The following GPC5 variants were observed in gnomAD, a reference collection of about 807,000 sequenced individuals.
The protein encoded by GPC5 is glypican-5.
Under a neutral mutation model 53.9 loss-of-function variants are expected in GPC5, and 47 were observed. That is an observed-to-expected ratio of 0.87 (90% CI 0.69 to 1.11). The LOEUF (loss-of-function observed/expected upper bound fraction) is 1.11, where lower values mean the gene tolerates loss of function less well. Ranked by LOEUF, GPC5 falls within the 50% of genes most tolerant of loss-of-function variation. GPC5 has a pLI of 0.00. For missense variants in GPC5, 748 were observed against 713.1 expected (o/e 1.05, Z -0.56); for synonymous variants, 286 against 263.3 (o/e 1.09, Z -0.84).
chr13:92,197,235 C>A (rs1407926327), intron 7 of GPC5, among the ~76,000 whole-genome samples: 2 of 151,998 alleles, frequency 1.3e-5, no homozygotes, highest in Admixed American at 6.6e-5. Context: ...AGATAAAAAC[C>A]CCCAGACCAT....
chr13:91,797,232 C>A (rs2138764305), intron 5 of GPC5, among the ~76,000 whole-genome samples: 1 of 152,210 alleles, frequency 6.6e-6, no homozygotes, highest in South Asian at 2.1e-4. Flanking sequence ...TCTGTGTACT[C>A]TCATTTTAAT....
chr13:91,697,650 A>G (rs140048945), intron 3 of GPC5, among the ~76,000 whole-genome samples: 2 of 152,234 alleles, frequency 1.3e-5, no homozygotes, highest in African/African-American at 4.8e-5. Context: ...ATATTAATAG[A>G]TTACCCTCTT....
intron 7 of GPC5, among the ~76,000 whole-genome samples, chr13:92,681,258 A>G (rs1263344643): frequency 6.6e-6 from 1 of 152,134 alleles, no homozygotes; most frequent in East Asian, 1.9e-4. Context: ...GGTATATCAC[A>G]AGCTCTCAAT....
chr13:92,792,730 C>A (rs775744644), intron 7 of GPC5, among the ~76,000 whole-genome samples: 24 of 152,056 alleles, frequency 1.6e-4, no homozygotes, highest in Non-Finnish European at 2.9e-4. Flanking sequence ...GCAGGGGTTG[C>A]AATCCTAGTC....
intron 7 of GPC5, among the ~76,000 whole-genome samples, chr13:92,678,869 A>C (rs1344286973): frequency 1.3e-5 from 2 of 152,160 alleles, no homozygotes; most frequent in Non-Finnish European, 2.9e-5. Flanking sequence ...TAGTGGAGAG[A>C]AGTGGTCATA....
rs147718511 is a variant in GPC5, at chr13:91,435,770, T to C, written c.164-12991T>C. Reference sequence around the variant, plus strand: ...TAGTTTCAGAAGGAATGGTACCAGCTCCTCCTTGTTCCTCTGATAGAATTT... The same window carrying C: ...TAGTTTCAGAAGGAATGGTACCAGCCCCTCCTTGTTCCTCTGATAGAATTT... On this transcript the variant is annotated intron_variant, in intron 1 of 7. Coordinates refer to ENST00000377067, the MANE Select transcript of GPC5 (RefSeq NM_004466.6). 8.7e-3 allele frequency among the ~76,000 whole-genome samples: 1,332 copies of C among 152,322 alleles called. 22 individuals carry two copies. The highest frequency in any genetic ancestry group is 0.079 in the South Asian group (383 of 4,820).
At chr13:92,046,848 T>A (rs1305268400) in intron 6 of GPC5, among the ~76,000 whole-genome samples, 1 of 152,244 alleles carries the variant, frequency 6.6e-6, no homozygotes, top group African/African-American at 2.4e-5. Flanking sequence ...GTCTTTATAA[T>A]GCATTCGTGT....
chr13:92,655,033 A>T (rs145261302), intron 7 of GPC5, among the ~76,000 whole-genome samples: 1 of 152,292 alleles, frequency 6.6e-6, no homozygotes, highest in East Asian at 1.9e-4. Context: ...GATTGCTGGC[A>T]ACCACCAAAA....
intron 7 of GPC5, among the ~76,000 whole-genome samples, chr13:92,663,856 C>CTATATATATATATATA (rs201565650): frequency 3.4e-5 from 3 of 88,338 alleles, no homozygotes; most frequent in African/African-American, 4.8e-5. Context: ...CACACACACA[C>CTATATATATATATATA]TATATATATA....
intron 6 of GPC5, among the ~76,000 whole-genome samples, chr13:91,966,140 A>G (rs988832285): frequency 1.1e-4 from 16 of 152,176 alleles, no homozygotes; most frequent in Admixed American, 1.0e-3. Flanking sequence ...TTTTAAGCTC[A>G]GCAATATGTT....
intron 6 of GPC5, among the ~76,000 whole-genome samples, chr13:91,910,532 C>T (rs1175027928): frequency 2.6e-5 from 4 of 152,032 alleles, no homozygotes; most frequent in African/African-American, 7.2e-5. Flanking sequence ...CATCTCTCAC[C>T]ATAGGGACGT....
At chr13:92,663,921 A>G (rs1235466734) in intron 7 of GPC5, among the ~76,000 whole-genome samples, 1 of 131,078 alleles carries the variant, frequency 7.6e-6, no homozygotes, top group East Asian at 2.2e-4. Flanking sequence ...CACACACAAA[A>G]ATTAGCTCGG....
At chr13:91,447,582 T>C (rs1037236584) in intron 1 of GPC5, among the ~76,000 whole-genome samples, 1 of 152,160 alleles carries the variant, frequency 6.6e-6, no homozygotes, top group Admixed American at 6.5e-5. Context: ...TCATATATTT[T>C]CAGCTGACCC....
chr13:91,490,561 T>C (rs1376830826), intron 2 of GPC5, among the ~76,000 whole-genome samples: 3 of 152,220 alleles, frequency 2.0e-5, no homozygotes, highest in Non-Finnish European at 4.4e-5. Context: ...TTAAGCAATA[T>C]GGCAAGCTAA....
chr13:92,695,267 G>C (rs528761733), intron 7 of GPC5, among the ~76,000 whole-genome samples: 1 of 152,110 alleles, frequency 6.6e-6, no homozygotes, highest in African/African-American at 2.4e-5. Flanking sequence ...CTTTTTAATG[G>C]GGTTATTTGG....
chr13:91,924,920 C>A (rs1411422440), intron 6 of GPC5, among the ~76,000 whole-genome samples: 1 of 151,598 alleles, frequency 6.6e-6, no homozygotes, highest in Non-Finnish European at 1.5e-5. Context: ...CCCGGGTTCA[C>A]CCCATTCTCC....
chr13:92,584,779 T>C (rs1322406500), intron 7 of GPC5, among the ~76,000 whole-genome samples: 4 of 152,034 alleles, frequency 2.6e-5, no homozygotes, highest in East Asian at 3.9e-4. Context: ...CTGTGTGGCA[T>C]GCAGTCTAGG....
intron 7 of GPC5, among the ~76,000 whole-genome samples, chr13:92,771,102 T>A (rs889255477): frequency 6.6e-6 from 1 of 152,080 alleles, no homozygotes; most frequent in African/African-American, 2.4e-5. Flanking sequence ...GGCTGGACTC[T>A]CCCTGTGATC....
At chr13:92,613,373 AAATAT>A (rs1884521350) in intron 7 of GPC5, among the ~76,000 whole-genome samples, 1 of 82,846 alleles carries the variant, frequency 1.2e-5, no homozygotes, top group African/African-American at 4.6e-5. Flanking sequence ...ATTTATATAT[AAATAT>A]ATTATATTAT....
Sources: allele counts gnomAD v4.1 joint callset (sites outside exome capture counted in the v4.1 genomes callset), GRCh38; gene constraint gnomAD v4.1.1; transcripts MANE v1.5; gene names NCBI Gene and HGNC (gene_info 2026-07-23, HGNC 2026-07-21).